The following AGBL4 variants were observed in gnomAD, a reference collection of about 807,000 sequenced individuals.
The protein encoded by AGBL4 is cytosolic carboxypeptidase 6.
In AGBL4, 58 loss-of-function variants were observed where a neutral mutation model predicts 66.4. That is an observed-to-expected ratio of 0.87 (90% confidence interval 0.71 to 1.09). The LOEUF is 1.09. Among genes scored for constraint, AGBL4 ranks in the 50% least tolerant of loss-of-function variants. The pLI is 0.00. For synonymous variants in AGBL4, 234 were observed against 222.9 expected (o/e 1.05, Z -0.44); for missense variants, 579 against 631.0 (o/e 0.92, Z 0.88).
At chr1:49,985,575 G>C (rs148457804) in intron 1 of AGBL4, among the ~76,000 whole-genome samples, 1 of 152,168 alleles carries the variant, frequency 6.6e-6, no homozygotes, top group South Asian at 2.1e-4. Context: ...CTATAGATGA[G>C]AGATGGTTAA....
chr1:49,436,038 C>T (rs180800435), intron 3 of AGBL4, among the ~76,000 whole-genome samples: 9 of 151,984 alleles, frequency 5.9e-5, no homozygotes, highest in East Asian at 1.9e-4. Flanking sequence ...TCATTCTGAC[C>T]GATATGATTA....
chr1:49,490,261 A>C (rs974384393), intron 3 of AGBL4, among the ~76,000 whole-genome samples: 1 of 151,676 alleles, frequency 6.6e-6, no homozygotes, highest in Non-Finnish European at 1.5e-5. Context: ...TTTTTCATTC[A>C]TCTATTGAGA....
intron 3 of AGBL4, among the ~76,000 whole-genome samples, chr1:49,418,538 A>C (rs1452236260): frequency 6.6e-6 from 1 of 152,338 alleles, no homozygotes; most frequent in African/African-American, 2.4e-5. Flanking sequence ...TGTAACAACA[A>C]CAACAAAAAA....
intron 6 of AGBL4, among the ~76,000 whole-genome samples, chr1:48,769,651 A>G (rs1644713903): frequency 6.6e-6 from 1 of 152,030 alleles, no homozygotes. Context: ...CAGTACCCAC[A>G]ACTAAGCAAG....
At chr1:48,818,345 G>A (rs1017161726) in intron 6 of AGBL4, 1 of 701,312 alleles carries the variant, frequency 1.4e-6, no homozygotes, top group African/African-American at 1.8e-5. Context: ...CCTTAATTGG[G>A]AGCCATACAT....
At chr1:49,530,429 T>C (rs1651048180) in intron 3 of AGBL4, among the ~76,000 whole-genome samples, 2 of 151,966 alleles carry the variant, frequency 1.3e-5, no homozygotes, top group Admixed American at 6.5e-5. Flanking sequence ...CTCTTAATGC[T>C]ATCCCTCTTT....
intron 3 of AGBL4, among the ~76,000 whole-genome samples, chr1:49,622,626 C>G (rs1245101672): frequency 1.2e-4 from 5 of 40,094 alleles, no homozygotes; most frequent in African/African-American, 4.8e-4. Flanking sequence ...GAGACTCCGT[C>G]TCAAAAAAAA....
intron 3 of AGBL4, among the ~76,000 whole-genome samples, chr1:49,318,425 T>TGATGATGAC (rs1553182471): frequency 4.7e-5 from 7 of 148,298 alleles, no homozygotes; most frequent in Admixed American, 3.4e-4. Context: ...ATGATGATGA[T>TGATGATGAC]GACGGCAATG....
chr1:48,574,699 G>C (rs1055404572), intron 11 of AGBL4, among the ~76,000 whole-genome samples: 2 of 151,858 alleles, frequency 1.3e-5, no homozygotes, highest in African/African-American at 4.8e-5. Context: ...CCCACCTCCT[G>C]TCTCTTGAGA....
At chr1:49,696,654 A>G (rs1467304777) in intron 3 of AGBL4, among the ~76,000 whole-genome samples, 1 of 152,138 alleles carries the variant, frequency 6.6e-6, no homozygotes, top group Admixed American at 6.6e-5. Context: ...TTCAGTATGT[A>G]TTATATATGC....
At chr1:48,595,120 G>A (rs571364208) in intron 9 of AGBL4, among the ~76,000 whole-genome samples, 1 of 152,218 alleles carries the variant, frequency 6.6e-6, no homozygotes, top group Non-Finnish European at 1.5e-5. Flanking sequence ...AATTCAAAAA[G>A]CCTTATTTTA....
chr1:49,846,495 T>G (rs938098859), intron 2 of AGBL4: 1 of 921,812 alleles, frequency 1.1e-6, no homozygotes, highest in Admixed American at 2.8e-5. Context: ...GAAACATATG[T>G]CTTTATCAAC....
At chr1:48,735,077 C>A (rs2148570859) in intron 6 of AGBL4, among the ~76,000 whole-genome samples, 1 of 152,322 alleles carries the variant, frequency 6.6e-6, no homozygotes, top group East Asian at 1.9e-4. Flanking sequence ...TAGTAGCCAA[C>A]AGTAGGGTTG....
At chr1:49,747,944 TTGTG>T (rs4012953) in intron 2 of AGBL4, among the ~76,000 whole-genome samples, 7,666 of 147,520 alleles carry the variant, frequency 0.052, 632 homozygotes, top group African/African-American at 0.17. Context: ...GTGTGTGTGT[TTGTG>T]TGTGTGTGTG....
intron 6 of AGBL4, among the ~76,000 whole-genome samples, chr1:48,807,499 C>T (rs1364891118): frequency 6.6e-6 from 1 of 152,162 alleles, no homozygotes; most frequent in Non-Finnish European, 1.5e-5. Flanking sequence ...GGTATCCACA[C>T]TTCTGAAATT....
intron 5 of AGBL4, among the ~76,000 whole-genome samples, chr1:48,961,163 G>T (rs1195592910): frequency 6.6e-6 from 1 of 152,084 alleles, no homozygotes; most frequent in Admixed American, 6.6e-5. Context: ...CTAGAACACT[G>T]CAGGAACATG....
At chr1:49,998,430 T>C (rs1461737297) in intron 1 of AGBL4, among the ~76,000 whole-genome samples, 4 of 152,044 alleles carry the variant, frequency 2.6e-5, no homozygotes, top group African/African-American at 9.7e-5. Flanking sequence ...GCAGAAAGAT[T>C]GAAATGGTAA....
At chr1:48,748,395 G>C (rs552617620) in intron 6 of AGBL4, among the ~76,000 whole-genome samples, 2 of 152,208 alleles carry the variant, frequency 1.3e-5, no homozygotes, top group Non-Finnish European at 2.9e-5. Flanking sequence ...TGCCAGCCCT[G>C]TGCTAGGTGG....
chr1:48,933,184 A>ATG (rs1655173845), intron 5 of AGBL4, among the ~76,000 whole-genome samples: 1 of 152,132 alleles, frequency 6.6e-6, no homozygotes, highest in African/African-American at 2.4e-5. Context: ...AAAGATATAT[A>ATG]TGTGTGTGTG....
Sources: gnomAD v4.1 joint callset for allele counts (sites outside exome capture counted in the v4.1 genomes callset) on GRCh38, gnomAD v4.1.1 for gene constraint, MANE v1.5 for transcripts, NCBI Gene and HGNC (gene_info 2026-07-23, HGNC 2026-07-21) for gene names.